DLC1: variants seen among roughly 807,000 people sequenced by gnomAD.
The protein encoded by DLC1 is DLC1 Rho GTPase activating protein, also known as rho GTPase-activating protein 7.
A neutral mutation model predicts 140.3 loss-of-function variants in DLC1; 54 were observed. The observed-to-expected ratio is 0.38, with a 90% CI of 0.31 to 0.48. The LOEUF (loss-of-function observed/expected upper bound fraction) is 0.48. DLC1 is among the 20% of genes least tolerant of loss of function. DLC1 has a pLI of 0.96. For synonymous variants in DLC1, 986 were observed against 728.1 expected, an observed-to-expected ratio of 1.35 and a Z score of -5.70; for missense variants, 2,536 against 1,907.0, an observed-to-expected ratio of 1.33 and a Z score of -6.14.
At chr8:13,146,740 G>A (rs1823466930) in intron 5 of DLC1, among the ~76,000 whole-genome samples, 1 of 152,116 alleles carries the variant, frequency 6.6e-6, no homozygotes, top group Admixed American at 6.5e-5. Context: ...TAAAGTCCAA[G>A]ATAAGAGTTA....
intron 1 of DLC1, among the ~76,000 whole-genome samples, chr8:13,596,988 T>A (rs184841028): frequency 6.6e-6 from 1 of 152,016 alleles, no homozygotes; most frequent in East Asian, 1.9e-4. Context: ...TTTTCTATGT[T>A]CGTTTGTTTG....
At chr8:13,439,804 C>G (rs1302261727) in intron 2 of DLC1, among the ~76,000 whole-genome samples, 1 of 152,126 alleles carries the variant, frequency 6.6e-6, no homozygotes, top group Non-Finnish European at 1.5e-5. Context: ...TTTCCTAAAC[C>G]TGCTCACCAT....
At chr8:13,401,339 C>G in intron 3 of DLC1, 131 bp downstream of exon 3, 1 of 1,171,616 alleles carries the variant, frequency 8.5e-7, no homozygotes, top group Non-Finnish European at 1.2e-6. Context: ...TTTTGGTTAT[C>G]TTTATGGTAC....
At chr8:13,383,431 C>T (rs1228944864) in intron 4 of DLC1, among the ~76,000 whole-genome samples, 1 of 152,152 alleles carries the variant, frequency 6.6e-6, no homozygotes, top group Non-Finnish European at 1.5e-5. Flanking sequence ...AGACCTGCAG[C>T]GTCTCATCTG....
At chr8:13,491,061 G>A in intron 2 of DLC1, among the ~76,000 whole-genome samples, 1 of 145,336 alleles carries the variant, frequency 6.9e-6, no homozygotes, top group African/African-American at 2.5e-5. Context: ...TCTGAGTGAG[G>A]GCAATTAAAT....
chr8:13,237,926 G>C (rs77658482), intron 5 of DLC1, among the ~76,000 whole-genome samples: 6,519 of 152,048 alleles, frequency 0.043, 184 homozygotes, highest in South Asian at 0.069. Flanking sequence ...GAAGGAAAGA[G>C]AGAGAGCAAG....
At chr8:13,089,633 T>A (rs548094196) in intron 15 of DLC1, among the ~76,000 whole-genome samples, 1 of 152,136 alleles carries the variant, frequency 6.6e-6, no homozygotes, top group East Asian at 1.9e-4. Context: ...TCAAAAAATA[T>A]AAATAAATAA....
intron 1 of DLC1, chr8:13,568,137 C>T (rs1178532199): frequency 3.1e-6 from 2 of 649,464 alleles, no homozygotes; most frequent in Middle Eastern, 4.4e-4. Context: ...TTACAAAATT[C>T]CAAGAGAACT....
chr8:13,463,356 T>C (rs2117033265), intron 2 of DLC1, among the ~76,000 whole-genome samples: 1 of 152,294 alleles, frequency 6.6e-6, no homozygotes, highest in East Asian at 1.9e-4. Context: ...TAACAGAGAT[T>C]AATCATTGAA....
chr8:13,397,314 G>A (rs1003492194), intron 3 of DLC1, among the ~76,000 whole-genome samples: 1 of 152,130 alleles, frequency 6.6e-6, no homozygotes, highest in Non-Finnish European at 1.5e-5. Flanking sequence ...GATTTCAGGG[G>A]CAGATATAGG....
chr8:13,329,057 G>C (rs558406782), intron 4 of DLC1, among the ~76,000 whole-genome samples: 49 of 152,294 alleles, frequency 3.2e-4, no homozygotes, highest in Non-Finnish European at 4.6e-4. Flanking sequence ...CACTGATCCA[G>C]ACATTGATTC....
intron 2 of DLC1, among the ~76,000 whole-genome samples, chr8:13,431,066 G>A (rs1262369156): frequency 1.3e-5 from 2 of 152,180 alleles, no homozygotes; most frequent in African/African-American, 4.8e-5. Flanking sequence ...GCTATGGCAT[G>A]AGTTTGAGCT....
Position 13,499,076 on chromosome 8 carries a change from A to T in DLC1, c.996T>A (p.Asp332Glu), listed in dbSNP as rs769259740. 1.2e-6 allele frequency: 2 copies of T among 1,612,754 alleles called. No homozygotes were observed. Among genetic ancestry groups the T allele is most frequent in the Non-Finnish European group, 1.7e-6 (2 of 1,179,384 alleles). The stretch of plus-strand genomic sequence containing the variant: ...TTCTCTTACGAAGTCTGACTTGGTT[A>T]TCTGTGGGTTCCTGGGTGGCCAGGG... ...KETLATQEPT[D>E]NQVRLRKRKE... The change falls in exon 2 of 18, where the codon GAT becomes GAA. Residue 332 changes from aspartate (D) to glutamate (E), a missense_variant. By Grantham distance (45) the Asp-to-Glu change is conservative. Transcript: ENST00000276297.
intron 1 of DLC1, among the ~76,000 whole-genome samples, chr8:13,510,938 A>C (rs1802330401): frequency 6.6e-6 from 1 of 151,968 alleles, no homozygotes; most frequent in South Asian, 2.1e-4. Context: ...AAAGAAGTCC[A>C]ACTCCCACAC....
chr8:13,465,465 A>T (rs867267926), intron 2 of DLC1, among the ~76,000 whole-genome samples: 1 of 152,102 alleles, frequency 6.6e-6, no homozygotes, highest in African/African-American at 2.4e-5. Context: ...CGTCACTATG[A>T]CTTTAATTTG....
chr8:13,162,942 G>T (rs1824829133), intron 5 of DLC1, among the ~76,000 whole-genome samples: 1 of 152,116 alleles, frequency 6.6e-6, no homozygotes, highest in African/African-American at 2.4e-5. Flanking sequence ...TAAACAATGG[G>T]GCTTGAGGAT....
chr8:13,325,616 G>A (rs1833308008), intron 4 of DLC1, among the ~76,000 whole-genome samples: 1 of 152,054 alleles, frequency 6.6e-6, no homozygotes. Flanking sequence ...GTCAACCATG[G>A]GTCTTTCATG....
intron 4 of DLC1, among the ~76,000 whole-genome samples, chr8:13,388,317 C>A (rs1046824119): frequency 5.3e-5 from 8 of 151,914 alleles, no homozygotes; most frequent in African/African-American, 1.9e-4. Context: ...GTAAAAGGTG[C>A]CCATTAACCT....
intron 1 of DLC1, among the ~76,000 whole-genome samples, chr8:13,592,719 G>T (rs149324535): frequency 6.6e-6 from 1 of 152,166 alleles, no homozygotes; most frequent in African/African-American, 2.4e-5. Context: ...AAGGCACTGG[G>T]AGCAGTGTTC....
Sources: gnomAD v4.1 joint callset for allele counts (sites outside exome capture counted in the v4.1 genomes callset) on GRCh38, gnomAD v4.1.1 for gene constraint, MANE v1.5 for transcripts, NCBI Gene and HGNC (gene_info 2026-07-23, HGNC 2026-07-21) for gene names.